The following HP1BP3 variants were observed in gnomAD, a reference collection of about 807,000 sequenced individuals.
The protein encoded by HP1BP3 is heterochromatin protein 1 binding protein 3.
In HP1BP3, 12 loss-of-function variants were observed where a neutral mutation model predicts 62.5. The observed-to-expected ratio is 0.19, with a 90% CI of 0.12 to 0.31. HP1BP3 has a LOEUF of 0.31. Ranked by LOEUF, HP1BP3 falls within the 10% of genes least tolerant of loss-of-function variation. The pLI, the probability that HP1BP3 is intolerant of heterozygous loss-of-function variation, is 1.00. For missense variants in HP1BP3, 502 were observed against 651.8 expected (o/e 0.77, Z 2.50); for synonymous variants, 260 against 237.8 (o/e 1.09, Z -0.86).
intron 9 of HP1BP3, among the ~76,000 whole-genome samples, chr1:20,754,512 T>C (rs1282790696): frequency 1.3e-5 from 2 of 151,844 alleles, no homozygotes; most frequent in South Asian, 2.1e-4. Flanking sequence ...TATGGAACTG[T>C]ACAGGACCCG....
At position 20,749,868 on chromosome 1, in the gene HP1BP3, C is replaced by A; in HGVS notation, c.996G>T (p.Gly332=). ...ASGTFQLKKS[G]EKPLLGGSLM... is the part of the protein sequence containing the mutation. ...GGCTTCCACCAAGCAGGGGTTTCTC[C>A]CCTGATTTCTTCAGCTGTTTTCCAA... Residue 332 remains glycine, a synonymous_variant, in exon 10 of 13, where the codon GGG becomes GGT. Coordinates refer to ENST00000438032, the MANE Select transcript of HP1BP3 (RefSeq NM_001372052.1). 1.2e-6 allele frequency: 2 copies of A among 1,612,926 alleles called. No individual in the cohort carries two copies. Among genetic ancestry groups the A allele is most frequent in the Non-Finnish European group, 1.7e-6 (2 of 1,179,462 alleles).
In HP1BP3 at chr1:20,742,346, C is replaced by A. The variant is rs1458685848; in HGVS notation, c.*2451G>T. ...TCTAGGATTTATCTGTTATCTTTTG[C>A]AGTACTGTAATTTTTTCTAGTCCAA... is the stretch of plus-strand genomic sequence containing the variant. On this transcript the variant is annotated 3_prime_UTR_variant, in exon 13 of 13. Transcript: ENST00000438032. Among the ~76,000 whole-genome samples, 1 of 152,174 alleles carries A rather than the reference C, an allele frequency of 6.6e-6. No individual in the cohort carries two copies. The highest frequency in any genetic ancestry group is 2.4e-5 in the African/African-American group (1 of 41,452).
intron 3 of HP1BP3, among the ~76,000 whole-genome samples, chr1:20,777,751 C>T (rs1034762498): frequency 6.6e-6 from 1 of 152,198 alleles, no homozygotes; most frequent in Non-Finnish European, 1.5e-5. Flanking sequence ...AGCCACCGCG[C>T]CCAGCTATAA....
chr1:20,758,559 G>C (rs1265991298), intron 8 of HP1BP3, among the ~76,000 whole-genome samples: 3 of 151,980 alleles, frequency 2.0e-5, no homozygotes, highest in Non-Finnish European at 4.4e-5. Context: ...TGTTAGCAAG[G>C]ATGGTCTTGA....
At chr1:20,748,883 C>A (rs1407420454) in intron 10 of HP1BP3, among the ~76,000 whole-genome samples, 1 of 152,130 alleles carries the variant, frequency 6.6e-6, no homozygotes, top group African/African-American at 2.4e-5. Flanking sequence ...TCTAATAGTT[C>A]ATTGAGAAGT....
rs558556914 is a variant in HP1BP3, at chr1:20,741,349, G to T, written c.*3448C>A. 6.6e-6 allele frequency among the ~76,000 whole-genome samples: 1 copy of T among 152,156 alleles called. No individual in the cohort carries two copies. Among genetic ancestry groups the T allele is most frequent in the Non-Finnish European group, 1.5e-5 (1 of 68,034 alleles). Reference sequence around the variant, plus strand: ...TAATTTCACAGGCTCTTTAAAGTAAGTATTAATTAAGAATTGGTTAGCAAA... The same window carrying T: ...TAATTTCACAGGCTCTTTAAAGTAATTATTAATTAAGAATTGGTTAGCAAA... On this transcript the variant is annotated 3_prime_UTR_variant, in exon 13 of 13. Transcript: ENST00000438032.
In HP1BP3 at chr1:20,783,540, T is replaced by A. The variant is rs113039882; in HGVS notation, c.-100-3000A>T. 7.1e-3 allele frequency among the ~76,000 whole-genome samples: 973 copies of A among 137,808 alleles called. 11 individuals carry two copies. Among genetic ancestry groups the A allele is most frequent in the African/African-American group, 0.025 (933 of 36,942 alleles). The allele number at this position is 137,808 out of a possible 152,430, so 90.4% of individuals were successfully genotyped here. A position where few individuals can be genotyped will look rare whatever the true frequency, so the allele number is the denominator to read the frequency against. On this transcript the variant is annotated intron_variant, in intron 1 of 12. Transcript: ENST00000438032. ...TCTCAAAAAACAAACAACAACAATT[T>A]AAAAAAAAAACAAAAAAAATAGAGA... is the stretch of plus-strand genomic sequence containing the variant.
chr1:20,749,265 T>C (rs748011585), intron 10 of HP1BP3, among the ~76,000 whole-genome samples: 14 of 152,300 alleles, frequency 9.2e-5, no homozygotes, highest in East Asian at 1.9e-4. Flanking sequence ...TTTGTAAATA[T>C]GAAATTTGTA....
intron 10 of HP1BP3, among the ~76,000 whole-genome samples, chr1:20,747,897 T>C (rs899991580): frequency 1.3e-5 from 2 of 152,172 alleles, no homozygotes; most frequent in African/African-American, 2.4e-5. Flanking sequence ...TTTTGCAAAA[T>C]ATAGAGACAA....
intron 9 of HP1BP3, among the ~76,000 whole-genome samples, chr1:20,754,209 G>A (rs539187702): frequency 5.9e-5 from 9 of 152,256 alleles, no homozygotes; most frequent in East Asian, 3.9e-4. Flanking sequence ...ACAGGTTAGC[G>A]TTAACAACCT....
chr1:20,777,233 A>AC (rs1481151085), intron 3 of HP1BP3, among the ~76,000 whole-genome samples: 5 of 151,974 alleles, frequency 3.3e-5, no homozygotes, highest in African/African-American at 1.2e-4. Context: ...ACTATAAAAC[A>AC]CAGAACCCCA....
At chr1:20,768,910 G>T (rs2056921137) in intron 6 of HP1BP3, among the ~76,000 whole-genome samples, 2 of 152,180 alleles carry the variant, frequency 1.3e-5, no homozygotes, top group Admixed American at 1.3e-4. Context: ...AATCAAGCTG[G>T]AATGCTTTTA....
intron 8 of HP1BP3, among the ~76,000 whole-genome samples, chr1:20,758,796 A>G (rs1405453156): frequency 6.6e-6 from 1 of 151,828 alleles, no homozygotes; most frequent in African/African-American, 2.4e-5. Flanking sequence ...CTATAGGCAC[A>G]TGCCACTACA....
intron 9 of HP1BP3, chr1:20,750,356 CACACACACACACACACACACACAA>C (rs1332032380): frequency 2.0e-4 from 13 of 65,058 alleles, no homozygotes; most frequent in Non-Finnish European, 5.1e-4. Flanking sequence ...CACACACACA[CACACACACACACACACACACACAA>C]AATAGCCAGG....
chr1:20,752,512 A>C (rs936546289), intron 9 of HP1BP3, among the ~76,000 whole-genome samples: 1 of 151,896 alleles, frequency 6.6e-6, no homozygotes, highest in African/African-American at 2.4e-5. Context: ...GGCTGGCCTC[A>C]AACTCCTGAC....
chr1:20,754,402 C>T (rs888138849), intron 9 of HP1BP3, among the ~76,000 whole-genome samples: 25 of 151,630 alleles, frequency 1.6e-4, no homozygotes, highest in Non-Finnish European at 3.4e-4. Context: ...ACGTTGTTGA[C>T]AGTGAGTCTC....
intron 9 of HP1BP3, among the ~76,000 whole-genome samples, chr1:20,750,652 T>C (rs1264074874): frequency 1.5e-4 from 23 of 152,122 alleles, no homozygotes; most frequent in Admixed American, 1.5e-3. Context: ...TTATCTGTGC[T>C]GGTCCACTTA....
At chr1:20,786,749 A>T (rs1439234193) in intron 1 of HP1BP3, 1 of 151,968 alleles carries the variant, frequency 6.6e-6, no homozygotes, top group Non-Finnish European at 1.5e-5. Context: ...CCGGCTCCGA[A>T]AACCGCTGAG....
At chr1:20,771,474 G>GA (rs1422127044) in intron 5 of HP1BP3, among the ~76,000 whole-genome samples, 1 of 152,202 alleles carries the variant, frequency 6.6e-6, no homozygotes, top group African/African-American at 2.4e-5. Flanking sequence ...GAGCATGCCA[G>GA]GACATTTCCC....
Sources: gnomAD v4.1 joint callset for allele counts (sites outside exome capture counted in the v4.1 genomes callset) on GRCh38, gnomAD v4.1.1 for gene constraint, MANE v1.5 for transcripts, NCBI Gene and HGNC (gene_info 2026-07-23, HGNC 2026-07-21) for gene names.